SLC45A4: variants seen among roughly 807,000 people sequenced by gnomAD.
The protein encoded by SLC45A4 is polyamine-transporter SLC45A4.
A neutral mutation model predicts 63.7 loss-of-function variants in SLC45A4; 32 were observed. The observed-to-expected ratio is 0.50, with a 90% CI of 0.38 to 0.67. SLC45A4 has a LOEUF of 0.67. Among genes scored for constraint, SLC45A4 ranks in the 30% least tolerant of loss-of-function variants. The probability of loss-of-function intolerance (pLI) is 0.00; values close to 1 mark genes in which losing one functional copy is unlikely to be tolerated. For missense variants in SLC45A4, 1,027 were observed against 1,157.7 expected, an observed-to-expected ratio of 0.89 and a Z score of 1.64; for synonymous variants, 535 against 510.0, an observed-to-expected ratio of 1.05 and a Z score of -0.66.
chr8:141,261,902 GC>G (rs1336561917), intron 1 of SLC45A4, among the ~76,000 whole-genome samples: 2 of 152,154 alleles, frequency 1.3e-5, no homozygotes, highest in African/African-American at 2.4e-5. Context: ...CCAATAAAGA[GC>G]CTGCATCGCA....
chr8:141,212,069 T>A, intron 8 of SLC45A4, 128 bp downstream of exon 8: 1 of 1,408,974 alleles, frequency 7.1e-7, no homozygotes, highest in Non-Finnish European at 9.2e-7. Flanking sequence ...TGGCCCGCAC[T>A]GCCGGGTCGG....
Position 141,210,801 on chromosome 8 carries a change from T to C in SLC45A4, c.*771A>G, listed in dbSNP as rs1375247235. The stretch of plus-strand genomic sequence containing the variant: ...CAATTGTCTGACTTTATCTGTGTGA[T>C]GTGCGGGGCCTCCCTGTCTCCTGAT... On this transcript the variant is annotated 3_prime_UTR_variant, in exon 9 of 9. Transcript: ENST00000517878. 1 of 152,270 alleles carries C rather than the reference T, an allele frequency of 6.6e-6. No homozygotes were observed. The highest frequency in any genetic ancestry group is 2.4e-5 in the African/African-American group (1 of 41,472). The allele number at this position is 152,270 out of a possible 1,614,324, so 9.4% of individuals were successfully genotyped here.
At chr8:141,250,303 T>C (rs533570666) in intron 2 of SLC45A4, among the ~76,000 whole-genome samples, 3 of 152,296 alleles carry the variant, frequency 2.0e-5, no homozygotes, top group Admixed American at 1.3e-4. Context: ...TCACTTTGAG[T>C]ACAGTATTCA....
chr8:141,295,755 G>A (rs887123393), intron 1 of SLC45A4, among the ~76,000 whole-genome samples: 2 of 152,222 alleles, frequency 1.3e-5, no homozygotes, highest in Admixed American at 1.3e-4. Flanking sequence ...ACCTGGGAAG[G>A]TTACCCTGGT....
intron 2 of SLC45A4, chr8:141,230,136 C>T (rs943096016): frequency 1.8e-5 from 8 of 456,084 alleles, no homozygotes; most frequent in Admixed American, 2.3e-5. Context: ...ACAACACAGC[C>T]GGCCCGGTGA....
At chr8:141,261,127 CAT>C (rs1829024685) in intron 1 of SLC45A4, among the ~76,000 whole-genome samples, 2 of 152,206 alleles carry the variant, frequency 1.3e-5, no homozygotes, top group Non-Finnish European at 2.9e-5. Flanking sequence ...ACAAAAACCA[CAT>C]GATTATCTCA....
intron 1 of SLC45A4, among the ~76,000 whole-genome samples, chr8:141,307,263 T>C (rs984163397): frequency 6.6e-6 from 1 of 152,058 alleles, no homozygotes; most frequent in Non-Finnish European, 1.5e-5. Context: ...GGGCAGCGGG[T>C]GCTGAGACGC....
At chr8:141,217,983 G>T in intron 5 of SLC45A4, 28 bp downstream of exon 5, 1 of 247,142 alleles carries the variant, frequency 4.0e-6, no homozygotes. Flanking sequence ...CAGAGAGAGC[G>T]GCCCCGCTCC....
At chr8:141,219,508 C>T in intron 4 of SLC45A4, 142 bp downstream of exon 4, 9 of 1,080,562 alleles carry the variant, frequency 8.3e-6, no homozygotes, top group Non-Finnish European at 1.2e-5. Context: ...GGTTACCTTC[C>T]AGCCCTAAGA....
intron 2 of SLC45A4, among the ~76,000 whole-genome samples, chr8:141,240,633 G>A (rs1354261065): frequency 2.0e-5 from 3 of 152,200 alleles, no homozygotes; most frequent in Non-Finnish European, 4.4e-5. Flanking sequence ...CAGCACTTGG[G>A]GAGGTTGAGG....
In SLC45A4 at chr8:141,215,753, A is replaced by G. The variant is rs756683811; in HGVS notation, c.1941+6T>C. 3.1e-6 allele frequency: 5 copies of G among 1,612,324 alleles called. No individual in the cohort carries two copies. The highest frequency in any genetic ancestry group is 1.1e-5 in the South Asian group (1 of 91,080). On this transcript the variant is annotated splice_donor_region_variant and intron_variant, in intron 7 of 8. Transcript: ENST00000517878. The surrounding 1 kb of genome is among the most constrained non-coding windows in gnomAD (Gnocchi z 4.3). ...AGCGCAGATCTCAGGGCTACGGTGG[A>G]CGCACCTGCTTGATGTCATGGTACT...
intron 7 of SLC45A4, among the ~76,000 whole-genome samples, chr8:141,213,945 A>G (rs1825983786): frequency 6.6e-6 from 1 of 152,172 alleles, no homozygotes; most frequent in South Asian, 2.1e-4. Flanking sequence ...AGTGGCTTCC[A>G]CCTGTAATCC....
chr8:141,227,557 CA>C lies in SLC45A4; in HGVS notation c.242-5793del, dbSNP rs1475912395. ...ATGAATTTAAGTCAAGGAACACTGT[CA>C]GGAGCCACTTCTGAAGGGCCCCAGA... is the stretch of plus-strand genomic sequence containing the variant. On this transcript the variant is annotated intron_variant, in intron 2 of 8. Coordinates refer to ENST00000517878, the MANE Select transcript of SLC45A4 (RefSeq NM_001286646.2). This position sits in a 1 kb window ranked among gnomAD's most constrained non-coding sequence, Gnocchi z 4.4. Among the ~76,000 whole-genome samples the C allele has an allele frequency of 2.0e-5, 3 of 152,180 alleles. No individual in the cohort carries two copies. Among genetic ancestry groups the C allele is most frequent in the African/African-American group, 7.2e-5 (3 of 41,432 alleles).
At position 141,215,080 on chromosome 8, in the gene SLC45A4, C is replaced by T. The variant is rs150770481; in HGVS notation, c.1941+679G>A. 3.3e-5 allele frequency among the ~76,000 whole-genome samples: 5 copies of T among 152,288 alleles called. No individual in the cohort carries two copies. Among genetic ancestry groups the T allele is most frequent in the South Asian group, 2.1e-4 (1 of 4,826 alleles). Reference sequence around the variant, plus strand: ...GACATGAAAAGGCTGGCCGTGCTGCCGCCAGCAAGCACGTGAGTGAATCCT... The same window carrying T: ...GACATGAAAAGGCTGGCCGTGCTGCTGCCAGCAAGCACGTGAGTGAATCCT... On this transcript the variant is annotated intron_variant, in intron 7 of 8. Transcript: ENST00000517878. This position sits in a 1 kb window ranked among gnomAD's most constrained non-coding sequence, Gnocchi z 4.3.
chr8:141,238,099 C>T (rs13253640), intron 2 of SLC45A4, among the ~76,000 whole-genome samples: 20,139 of 152,136 alleles, frequency 0.13, 1,630 homozygotes, highest in East Asian at 0.28. Flanking sequence ...GGTTAGCTGG[C>T]CACGGGCCAC....
intron 1 of SLC45A4, among the ~76,000 whole-genome samples, chr8:141,273,615 A>G (rs1448906070): frequency 1.3e-5 from 2 of 152,046 alleles, no homozygotes; most frequent in Non-Finnish European, 2.9e-5. Context: ...ACACACATAT[A>G]ATCAAGAACT....
At position 141,260,820 on chromosome 8, in the gene SLC45A4, T is replaced by C. The variant is rs545372653; in HGVS notation, c.-400-6191A>G. On this transcript the variant is annotated intron_variant, in intron 1 of 8. Transcript: ENST00000517878. ...TACAAGGAGGAGCTGGTACCATTCCTTCTGAAACTATTCCAATCAATAGAA... is the reference window on the plus strand; with the variant it reads ...TACAAGGAGGAGCTGGTACCATTCCCTCTGAAACTATTCCAATCAATAGAA... Among the ~76,000 whole-genome samples the C allele has an allele frequency of 2.0e-5, 3 of 152,322 alleles. No individual in the cohort carries two copies. In the East Asian group the frequency reaches 5.8e-4, roughly 29 times the overall value.
In SLC45A4 at chr8:141,212,274, C is replaced by T. The variant is rs763918785; in HGVS notation, c.2224G>A (p.Gly742Arg). 8 of 1,602,042 alleles carry T rather than the reference C, an allele frequency of 5.0e-6. No homozygotes were observed. The Admixed American group carries it at 8.4e-5, about 17-fold the overall frequency. Residue 742 changes from glycine to arginine, a missense_variant, in exon 8 of 9, where the codon GGG (glycine) becomes AGG (arginine). Gly to Arg is a moderately radical substitution (Grantham distance 125). Coordinates refer to ENST00000517878, the MANE Select transcript of SLC45A4 (RefSeq NM_001286646.2). ...SPLAGEGRAG[G>R]NSEKPTVLKL... The stretch of plus-strand genomic sequence containing the variant: ...AGCACGGTGGGCTTTTCGCTGTTCC[C>T]ACCGGCCCTGCCTTCGCCGGCCAAC...
chr8:141,259,675 G>A (rs1828971048), intron 1 of SLC45A4, among the ~76,000 whole-genome samples: 1 of 152,140 alleles, frequency 6.6e-6, no homozygotes, highest in Non-Finnish European at 1.5e-5. Flanking sequence ...GACAGCTACT[G>A]GTAGGTGGCA....
Sources: allele counts gnomAD v4.1 joint callset (sites outside exome capture counted in the v4.1 genomes callset), GRCh38; gene constraint gnomAD v4.1.1; non-coding constraint Gnocchi (gnomAD v3.1); transcripts MANE v1.5; gene names NCBI Gene and HGNC (gene_info 2026-07-23, HGNC 2026-07-21).